KLHL13: variants seen among roughly 807,000 people sequenced by gnomAD.
KLHL13 encodes the protein kelch-like protein 13.
Under a neutral mutation model 37.1 loss-of-function variants are expected in KLHL13, and 10 were observed. The ratio of observed to expected loss-of-function variants is 0.27; its 90% CI spans 0.17 to 0.46. The LOEUF (loss-of-function observed/expected upper bound fraction) is 0.46. KLHL13 is among the 20% of genes least tolerant of loss of function. KLHL13 has a pLI of 1.00. For synonymous variants in KLHL13, 163 were observed against 181.2 expected (o/e 0.90, Z 0.81); for missense variants, 360 against 509.3 (o/e 0.71, Z 2.82).
At chrX:118,095,226 G>A (rs2055189743) in intron 1 of KLHL13, among the ~76,000 whole-genome samples, 1 of 110,381 alleles carries the variant, frequency 9.1e-6, no homozygotes, top group Non-Finnish European at 1.9e-5. Flanking sequence ...ACAAAAAAAG[G>A]CAGGGGTTGC....
rs911288017 is a variant in KLHL13, at chrX:118,097,281, T to A, written c.-56+19227A>T. 3.3e-3 allele frequency among the ~76,000 whole-genome samples: 363 copies of A among 109,421 alleles called. 3 individuals carry two copies. The highest frequency in any genetic ancestry group is 0.012 in the African/African-American group (337 of 28,847). ...AAAATCACAAGCATTCTTATACACCTATAACAGACAAACAGAGAACCAGAT... is the reference window on the plus strand; with the variant it reads ...AAAATCACAAGCATTCTTATACACCAATAACAGACAAACAGAGAACCAGAT... On this transcript the variant is annotated intron_variant, in intron 1 of 6. Coordinates refer to the KLHL13 transcript ENST00000371882.
intron 1 of KLHL13, among the ~76,000 whole-genome samples, chrX:117,991,533 T>C (rs2053789782): frequency 9.0e-6 from 1 of 111,237 alleles, no homozygotes; most frequent in African/African-American, 3.3e-5. Flanking sequence ...CTTATTTCTA[T>C]GGATGTATTT....
intron 1 of KLHL13, among the ~76,000 whole-genome samples, chrX:117,971,389 G>GCTCCATTAACTTCTCAC (rs2053519789): frequency 9.0e-6 from 1 of 111,397 alleles, no homozygotes; most frequent in Non-Finnish European, 1.9e-5. Context: ...ATGTGAAAGA[G>GCTCCATTAACTTCTCAC]CTCCATTAAC....
rs759369463 is a variant in KLHL13, at chrX:118,053,537, GT to G, written c.-56+62970del. Among the ~76,000 whole-genome samples the G allele has an allele frequency of 2.9e-3, 323 of 110,361 alleles. 1 individual carries two copies. Among genetic ancestry groups the G allele is most frequent in the Non-Finnish European group, 5.3e-3 (282 of 52,807 alleles). ...GATAGCATTAGGAGATATACCTAATGTTAAATGAAGAGTTAATGGGTGCAGC... is the reference window on the plus strand; with the variant it reads ...GATAGCATTAGGAGATATACCTAATGTAAATGAAGAGTTAATGGGTGCAGC... On this transcript the variant is annotated intron_variant, in intron 1 of 6. Transcript: ENST00000371882.
At chrX:117,930,290 A>AAGGAAGGAAGGAAGGC (rs1556301121) in intron 2 of KLHL13, among the ~76,000 whole-genome samples, 58 of 77,948 alleles carry the variant, frequency 7.4e-4, no homozygotes, top group East Asian at 1.8e-3. Flanking sequence ...GGAAGGAAGG[A>AAGGAAGGAAGGAAGGC]AGGCAGGCAG....
At chrX:118,032,078 C>T (rs755493403) in intron 1 of KLHL13, among the ~76,000 whole-genome samples, 7 of 111,613 alleles carry the variant, frequency 6.3e-5, no homozygotes, top group East Asian at 2.9e-4. Context: ...CAGCACCTGG[C>T]TCAGAGGGTC....
chrX:118,090,850 T>G (rs1049810544), intron 1 of KLHL13, among the ~76,000 whole-genome samples: 2 of 109,329 alleles, frequency 1.8e-5, no homozygotes, highest in African/African-American at 6.7e-5. Context: ...GCGGCACTAT[T>G]CACAATAGCA....
rs1602700651 is a variant in KLHL13, at chrX:118,071,776, T to C, written c.-56+44732A>G. Among the ~76,000 whole-genome samples, 3 of 102,708 alleles carry C rather than the reference T, an allele frequency of 2.9e-5. No homozygotes were observed. In the Admixed American group the frequency reaches 3.2e-4, roughly 11 times the overall value. 89.2% of individuals were successfully genotyped at this position (102,708 alleles called of 115,157 possible). A position where few individuals can be genotyped will look rare whatever the true frequency, so the allele number is the denominator to read the frequency against. On this transcript the variant is annotated intron_variant, in intron 1 of 6. Coordinates refer to the KLHL13 transcript ENST00000371882. ...ACCTAGGAATCCAACTTACAAGGGATGTGAAGGACCTCTTCAAGGAGAACT... is the reference window on the plus strand; with the variant it reads ...ACCTAGGAATCCAACTTACAAGGGACGTGAAGGACCTCTTCAAGGAGAACT...
At chrX:117,976,058 T>C (rs1458513561), upstream of KLHL13, among the ~76,000 whole-genome samples, 4 of 111,488 alleles carry the variant, frequency 3.6e-5, no homozygotes, top group Non-Finnish European at 7.5e-5. Flanking sequence ...GCAGACTTAA[T>C]ATTTAATATT....
chrX:117,950,988 A>G (rs1487965307), intron 1 of KLHL13, among the ~76,000 whole-genome samples: 1 of 112,142 alleles, frequency 8.9e-6, no homozygotes, highest in African/African-American at 3.2e-5. Context: ...AAAACTTAAG[A>G]TGGTAGAAGC....
At chrX:117,992,391 G>A (rs2053804817) in intron 1 of KLHL13, among the ~76,000 whole-genome samples, 1 of 111,086 alleles carries the variant, frequency 9.0e-6, no homozygotes, top group South Asian at 3.8e-4. Flanking sequence ...CTACTAAGTA[G>A]GTTAAATACA....
At chrX:118,100,994 A>G (rs2055281927) in intron 1 of KLHL13, among the ~76,000 whole-genome samples, 1 of 111,431 alleles carries the variant, frequency 9.0e-6, no homozygotes, top group Non-Finnish European at 1.9e-5. Context: ...GATCCTTGAA[A>G]GTGGAGGCCC....
chrX:117,902,638 G>A (rs1930173305), intron 5 of KLHL13, among the ~76,000 whole-genome samples: 1 of 111,203 alleles, frequency 9.0e-6, no homozygotes, highest in Admixed American at 9.6e-5. Flanking sequence ...ATGTATTTTG[G>A]AGAAGTGACC....
intron 1 of KLHL13, among the ~76,000 whole-genome samples, chrX:118,089,670 A>AAAGAAAGAAAG (rs1569313977): frequency 9.3e-5 from 7 of 75,509 alleles, no homozygotes; most frequent in Admixed American, 1.5e-4. Context: ...AAGAAAGAAA[A>AAAGAAAGAAAG]AAGAAAGTTT....
At chrX:118,012,081 T>C (rs182119017) in intron 1 of KLHL13, among the ~76,000 whole-genome samples, 6 of 111,388 alleles carry the variant, frequency 5.4e-5, no homozygotes, top group Admixed American at 4.8e-4. Context: ...CCTGGCAATG[T>C]TGTTGCTTTT....
intron 1 of KLHL13, among the ~76,000 whole-genome samples, chrX:117,986,736 C>T (rs1464563270): frequency 1.8e-5 from 2 of 112,014 alleles, no homozygotes; most frequent in Non-Finnish European, 1.9e-5. Context: ...AGCTCAAATT[C>T]CATTTGCTTC....
intron 2 of KLHL13, among the ~76,000 whole-genome samples, chrX:117,920,745 T>C (rs753563857): frequency 2.1e-4 from 23 of 111,941 alleles, no homozygotes; most frequent in Non-Finnish European, 4.1e-4. Context: ...TTCGCGATAA[T>C]TTAATAGTCC....
intron 2 of KLHL13, among the ~76,000 whole-genome samples, chrX:117,923,660 TC>T (rs1476885806): frequency 3.6e-5 from 4 of 111,780 alleles, no homozygotes; most frequent in Non-Finnish European, 7.5e-5. Flanking sequence ...TACTTTTTTT[TC>T]CCTCTGAAAA....
At chrX:118,060,300 A>C (rs1487150789) in intron 1 of KLHL13, among the ~76,000 whole-genome samples, 1 of 111,479 alleles carries the variant, frequency 9.0e-6, no homozygotes. Flanking sequence ...GTAGACCTGG[A>C]TGTGAGGTAC....
Sources: gnomAD v4.1 joint callset for allele counts (sites outside exome capture counted in the v4.1 genomes callset) on GRCh38, gnomAD v4.1.1 for gene constraint, MANE v1.5 for transcripts, NCBI Gene and HGNC (gene_info 2026-07-23, HGNC 2026-07-21) for gene names.